Variants in SHANK2 observed in about 807,000 individuals in gnomAD.
The protein encoded by SHANK2 is SH3 and multiple ankyrin repeat domains protein 2.
Under a neutral mutation model 133.7 loss-of-function variants are expected in SHANK2, and 43 were observed. The ratio of observed to expected loss-of-function variants is 0.32; its 90% confidence interval spans 0.25 to 0.41. The LOEUF (loss-of-function observed/expected upper bound fraction) is 0.41, where lower values mean the gene tolerates loss of function less well. Ranked by LOEUF, SHANK2 falls within the 10% of genes least tolerant of loss-of-function variation. SHANK2 has a pLI of 1.00. For synonymous variants in SHANK2, 1,017 were observed against 952.8 expected, an observed-to-expected ratio of 1.07 and a Z score of -1.24; for missense variants, 1,994 against 2,235.8, an observed-to-expected ratio of 0.89 and a Z score of 2.18.
chr11:71,102,608 T>A (rs1013995133), intron 6 of SHANK2, among the ~76,000 whole-genome samples: 7 of 152,168 alleles, frequency 4.6e-5, no homozygotes, highest in African/African-American at 1.7e-4. Flanking sequence ...AAATATGGGA[T>A]GGGAACATGC....
chr11:70,891,715 C>T (rs1271114509), intron 11 of SHANK2, among the ~76,000 whole-genome samples: 1 of 152,102 alleles, frequency 6.6e-6, no homozygotes, highest in Non-Finnish European at 1.5e-5. Context: ...CCCTCCCTCT[C>T]TCGGTCTCCA....
intron 14 of SHANK2, among the ~76,000 whole-genome samples, chr11:70,717,755 C>A (rs1416469000): frequency 6.6e-6 from 1 of 151,936 alleles, no homozygotes; most frequent in Admixed American, 6.6e-5. Flanking sequence ...TCCTCGGGGT[C>A]TCCACGGAGA....
chr11:70,490,252 G>A (rs782338100), intron 23 of SHANK2, 24 bp downstream of exon 23: 1 of 1,590,262 alleles, frequency 6.3e-7, no homozygotes, highest in Non-Finnish European at 8.6e-7. Flanking sequence ...GGCAACTTCT[G>A]TGGGGGAGTG....
intron 17 of SHANK2, among the ~76,000 whole-genome samples, chr11:70,599,905 G>GAAAGAAAGATAGAA (rs1466206835): frequency 3.4e-4 from 25 of 73,778 alleles, no homozygotes; most frequent in African/African-American, 1.5e-3. Context: ...AAGAAAGAAA[G>GAAAGAAAGATAGAA]AGAAAGAAAG....
At chr11:70,521,699 AGT>A (rs1292342940) in intron 17 of SHANK2, among the ~76,000 whole-genome samples, 1 of 152,002 alleles carries the variant, frequency 6.6e-6, no homozygotes, top group African/African-American at 2.4e-5. Flanking sequence ...TGTGTGGGTG[AGT>A]GTGCACGTGT....
At chr11:71,126,757 C>T (rs545092999) in intron 3 of SHANK2, among the ~76,000 whole-genome samples, 47 of 139,010 alleles carry the variant, frequency 3.4e-4, no homozygotes, top group African/African-American at 1.3e-3. Flanking sequence ...GATGGAGTCT[C>T]ATTCTGTCAC....
intron 2 of SHANK2, among the ~76,000 whole-genome samples, chr11:71,210,245 TA>T (rs1565516764): frequency 0.012 from 1,061 of 91,306 alleles, 14 homozygotes; most frequent in Non-Finnish European, 0.018. Context: ...TATATATATA[TA>T]TATATATTTA....
chr11:70,822,305 G>A (rs1404483825), intron 11 of SHANK2, among the ~76,000 whole-genome samples: 2 of 152,262 alleles, frequency 1.3e-5, no homozygotes, highest in Non-Finnish European at 2.9e-5. Context: ...GAGAAAACAC[G>A]TGTCCTCCCT....
intron 14 of SHANK2, among the ~76,000 whole-genome samples, chr11:70,702,789 T>G (rs1181118639): frequency 6.6e-6 from 1 of 152,146 alleles, no homozygotes; most frequent in Non-Finnish European, 1.5e-5. Context: ...AGTAGCAGAG[T>G]GCAATGATAA....
chr11:70,663,319 G>A (rs1240506494), intron 15 of SHANK2, among the ~76,000 whole-genome samples: 1 of 152,162 alleles, frequency 6.6e-6, no homozygotes, highest in Admixed American at 6.5e-5. Context: ...CAGCCACCCC[G>A]GATTGGGGGG....
At chr11:71,137,192 C>G (rs568835931) in intron 3 of SHANK2, among the ~76,000 whole-genome samples, 1 of 150,370 alleles carries the variant, frequency 6.7e-6, no homozygotes, top group African/African-American at 2.5e-5. Flanking sequence ...TAAGTAAATC[C>G]TATAATTTAT....
chr11:70,818,266 C>CA (rs1485403919), intron 12 of SHANK2, among the ~76,000 whole-genome samples: 8 of 151,936 alleles, frequency 5.3e-5, no homozygotes, highest in African/African-American at 1.9e-4. Flanking sequence ...GCACACAGAC[C>CA]AAAAAAACAC....
In SHANK2 at chr11:71,184,343, G is replaced by A. The variant is rs897752649; in HGVS notation, c.-12-37005C>T. Among the ~76,000 whole-genome samples the A allele has an allele frequency of 3.3e-5, 5 of 152,276 alleles. No individual in the cohort carries two copies. The Middle Eastern group carries it at 0.01, about 311-fold the overall frequency. Reference sequence around the variant, plus strand: ...ATGGTCTATTCCACACTGAGGCCAGGCTGCACACAGAGGCATCCTGGCCCC... The same window carrying A: ...ATGGTCTATTCCACACTGAGGCCAGACTGCACACAGAGGCATCCTGGCCCC... On this transcript the variant is annotated intron_variant, in intron 2 of 25. Transcript: ENST00000601538.
At chr11:71,218,367 C>T (rs113516202) in intron 2 of SHANK2, among the ~76,000 whole-genome samples, 4 of 149,324 alleles carry the variant, frequency 2.7e-5, no homozygotes, top group Non-Finnish European at 3.0e-5. Flanking sequence ...CAGGTTCAAG[C>T]GATTCTCCTG....
At chr11:71,229,765 G>GAAAAAAAAAAAAAAAAAAAAAAA (rs55730780) in intron 1 of SHANK2, among the ~76,000 whole-genome samples, 20 of 116,430 alleles carry the variant, frequency 1.7e-4, no homozygotes, top group Non-Finnish European at 3.0e-4. Flanking sequence ...TCTCAAAAAA[G>GAAAAAAAAAAAAAAAAAAAAAAA]AAAAAAAAAA....
chr11:71,228,486 G>A (rs904233078), intron 1 of SHANK2, among the ~76,000 whole-genome samples: 4 of 152,188 alleles, frequency 2.6e-5, no homozygotes, highest in Non-Finnish European at 5.9e-5. Context: ...GGCTGGGTAT[G>A]GTGGCTCATG....
intron 17 of SHANK2, among the ~76,000 whole-genome samples, chr11:70,519,905 ATTTTTTTTTTTT>A (rs781977357): frequency 8.2e-6 from 1 of 121,478 alleles, no homozygotes; most frequent in African/African-American, 3.1e-5. Flanking sequence ...ACCATGCCTA[ATTTTTTTTTTTT>A]TTTTTTTTTT....
chr11:70,668,562 C>T (rs1555015322), intron 15 of SHANK2: 1 of 152,320 alleles, frequency 6.6e-6, no homozygotes, highest in Non-Finnish European at 1.5e-5. Context: ...TTTTGAGCCC[C>T]CTAGTCTGTG....
chr11:70,539,622 C>T (rs972792618), intron 17 of SHANK2, among the ~76,000 whole-genome samples: 17 of 127,318 alleles, frequency 1.3e-4, no homozygotes, highest in East Asian at 3.3e-4. Context: ...GCAACTCCGG[C>T]GCTCTTATCT....
Sources: allele counts gnomAD v4.1 joint callset (sites outside exome capture counted in the v4.1 genomes callset), GRCh38; gene constraint gnomAD v4.1.1; transcripts MANE v1.5; gene names NCBI Gene and HGNC (gene_info 2026-07-23, HGNC 2026-07-21).